TEX11: variants seen among roughly 807,000 people sequenced by gnomAD.
TEX11 encodes testis-expressed protein 11.
TEX11 carries 7 observed loss-of-function variants against 84.4 expected under a neutral mutation model. The observed-to-expected ratio is 0.08, with a 90% CI of 0.05 to 0.16. The LOEUF is 0.16. Among genes scored for constraint, TEX11 ranks in the 10% least tolerant of loss-of-function variants. TEX11 has a pLI of 1.00. For missense variants in TEX11, 551 were observed against 660.5 expected (o/e 0.83, Z 1.82); for synonymous variants, 264 against 222.8 (o/e 1.18, Z -1.64).
intron 2 of TEX11, 113 bp from the exon 3 acceptor site, chrX:70,880,222 G>A: frequency 6.4e-6 from 3 of 468,478 alleles, no homozygotes; most frequent in Non-Finnish European, 9.5e-6. Flanking sequence ...CAGCATGAAG[G>A]AACTTGATCC....
At chrX:70,834,764 A>G (rs1418917593) in intron 7 of TEX11, among the ~76,000 whole-genome samples, 2 of 97,860 alleles carry the variant, frequency 2.0e-5, no homozygotes, top group African/African-American at 8.0e-5. Flanking sequence ...ACTCTGTCAC[A>G]AAAAAAAAAA....
At chrX:70,898,809 G>C (rs774446064) in intron 2 of TEX11, among the ~76,000 whole-genome samples, 7 of 110,691 alleles carry the variant, frequency 6.3e-5, no homozygotes, top group African/African-American at 2.3e-4. Flanking sequence ...GTTTCACAGT[G>C]TTAGCCAGGA....
At chrX:70,635,881 C>A (rs2089566070) in intron 17 of TEX11, among the ~76,000 whole-genome samples, 2 of 111,474 alleles carry the variant, frequency 1.8e-5, no homozygotes, top group Non-Finnish European at 3.8e-5. Flanking sequence ...CAGATCTGTA[C>A]CCCTGGCCAT....
chrX:70,754,080 A>T (rs1335989594), intron 9 of TEX11, among the ~76,000 whole-genome samples: 1 of 111,323 alleles, frequency 9.0e-6, no homozygotes, highest in Non-Finnish European at 1.9e-5. Flanking sequence ...CGTAAAGGGG[A>T]CTGTGTCTTG....
chrX:70,777,227 C>T (rs1184174490), intron 9 of TEX11, among the ~76,000 whole-genome samples: 1 of 110,505 alleles, frequency 9.0e-6, no homozygotes, highest in Non-Finnish European at 1.9e-5. Flanking sequence ...AAAGTAACTA[C>T]AGTTACATTA....
At chrX:70,779,309 G>T (rs958993725) in intron 9 of TEX11, among the ~76,000 whole-genome samples, 2 of 106,052 alleles carry the variant, frequency 1.9e-5, no homozygotes, top group Non-Finnish European at 3.9e-5. Context: ...CAGCTACTCG[G>T]GAGGCTGAGG....
downstream of TEX11, among the ~76,000 whole-genome samples, chrX:70,528,725 C>CACT (rs1382742650): frequency 9.0e-6 from 1 of 111,269 alleles, no homozygotes; most frequent in Non-Finnish European, 1.9e-5. Flanking sequence ...CCACTAAGGT[C>CACT]CTTCCAAATA....
chrX:70,596,673 A>T (rs1341340168), intron 24 of TEX11, among the ~76,000 whole-genome samples: 1 of 110,866 alleles, frequency 9.0e-6, no homozygotes, highest in Non-Finnish European at 1.9e-5. Flanking sequence ...AAAAGTTGAT[A>T]TTAAAAAAAA....
intron 18 of TEX11, among the ~76,000 whole-genome samples, chrX:70,627,215 G>C (rs2089459984): frequency 8.9e-6 from 1 of 112,248 alleles, no homozygotes; most frequent in Non-Finnish European, 1.9e-5. Context: ...ATCTTTAGAG[G>C]AGTTTAACTA....
chrX:70,540,469 T>G (rs1412670778), intron 28 of TEX11, among the ~76,000 whole-genome samples: 1 of 112,027 alleles, frequency 8.9e-6, no homozygotes, highest in Non-Finnish European at 1.9e-5. Flanking sequence ...TTACTTTCTT[T>G]TTTTTTCAAT....
rs191520990 is a variant in TEX11 at position 70,878,787 on chromosome X, A to T, written c.159+1201T>A. Among the ~76,000 whole-genome samples, 73 of 109,807 alleles carry T rather than the reference A, an allele frequency of 6.6e-4. 1 individual carries two copies. Among genetic ancestry groups the T allele is most frequent in the East Asian group, 2.9e-4 (1 of 3,492 alleles). On this transcript the variant is annotated intron_variant, in intron 3 of 29. Transcript: ENST00000374333. ...GAAGCAATTTCATTCTTAGGTACAA[A>T]CCTAAGAAAAATGAAAACATAAAAA...
rs1482529645 is a variant in TEX11, at chrX:70,817,252, TATACAC to T, written c.607-10468_607-10463del. On this transcript the variant is annotated intron_variant, in intron 8 of 29. Coordinates refer to ENST00000374333, the MANE Select transcript of TEX11 (RefSeq NM_031276.3). ...ACATACACACACACACACATATATA[TATACAC>T]ACACACACACACACACACACACACA... is the stretch of plus-strand genomic sequence containing the variant. Among the ~76,000 whole-genome samples, 732 of 95,142 alleles carry T rather than the reference TATACAC, an allele frequency of 7.7e-3. 6 individuals carry two copies. The highest frequency in any genetic ancestry group is 0.025 in the African/African-American group (650 of 25,649). The allele number at this position is 95,142 out of a possible 115,157, so 82.6% of individuals were successfully genotyped here.
At chrX:70,699,440 A>T (rs2090307964) in intron 13 of TEX11, among the ~76,000 whole-genome samples, 1 of 111,360 alleles carries the variant, frequency 9.0e-6, no homozygotes, top group South Asian at 3.8e-4. Context: ...ACGAAATCCC[A>T]CCTGTCTACA....
intron 10 of TEX11, among the ~76,000 whole-genome samples, chrX:70,743,798 C>T (rs2090749045): frequency 9.3e-6 from 1 of 107,074 alleles, no homozygotes; most frequent in Non-Finnish European, 1.9e-5. Context: ...ATCGCTTGAA[C>T]CTGGGAGGCA....
intron 9 of TEX11, among the ~76,000 whole-genome samples, chrX:70,804,892 A>T (rs1186508065): frequency 1.8e-5 from 2 of 108,574 alleles, no homozygotes; most frequent in Admixed American, 2.0e-4. Flanking sequence ...ATGACTCCTA[A>T]CTCACCCTCA....
intron 25 of TEX11, among the ~76,000 whole-genome samples, chrX:70,570,147 G>C (rs113776028): frequency 0.083 from 9,282 of 111,542 alleles, 854 homozygotes; most frequent in African/African-American, 0.27. Flanking sequence ...CCGCCTTGCA[G>C]TTTGATCTCA....
chrX:70,530,425 G>A (rs1210295206), intron 28 of TEX11, among the ~76,000 whole-genome samples: 1 of 111,691 alleles, frequency 9.0e-6, no homozygotes, highest in East Asian at 2.8e-4. Context: ...GTCCATATTT[G>A]GAGTAGAAAT....
chrX:70,855,427 G>C (rs1206267536), intron 5 of TEX11, among the ~76,000 whole-genome samples: 1 of 109,801 alleles, frequency 9.1e-6, no homozygotes, highest in Non-Finnish European at 1.9e-5. Context: ...TTAGCTGGGC[G>C]TGGTGGTGCA....
chrX:70,646,155 G>A (rs2089739282), intron 17 of TEX11, among the ~76,000 whole-genome samples: 1 of 111,962 alleles, frequency 8.9e-6, no homozygotes, highest in African/African-American at 3.2e-5. Flanking sequence ...AAGGTGTCAA[G>A]AACACACAAT....
Sources: allele counts gnomAD v4.1 joint callset (sites outside exome capture counted in the v4.1 genomes callset), GRCh38; gene constraint gnomAD v4.1.1; transcripts MANE v1.5; gene names NCBI Gene and HGNC (gene_info 2026-07-23, HGNC 2026-07-21).